MANBA: variants seen among roughly 807,000 people sequenced by gnomAD.
MANBA encodes the protein beta-mannosidase.
Under a neutral mutation model 111.1 loss-of-function variants are expected in MANBA, and 83 were observed. The observed-to-expected ratio is 0.75, with a 90% CI of 0.63 to 0.90. MANBA has a LOEUF of 0.90. Ranked by LOEUF, MANBA falls within the 40% of genes least tolerant of loss-of-function variation. MANBA has a pLI of 0.00. For missense variants in MANBA, 1,036 were observed against 1,069.0 expected, an observed-to-expected ratio of 0.97 and a Z score of 0.43; for synonymous variants, 370 against 378.7, an observed-to-expected ratio of 0.98 and a Z score of 0.27.
intron 1 of MANBA, among the ~76,000 whole-genome samples, chr4:102,758,019 A>C (rs1271017548): frequency 6.6e-6 from 1 of 152,078 alleles, no homozygotes; most frequent in East Asian, 1.9e-4. Flanking sequence ...CTGGAAATGC[A>C]CTTCTCCTTA....
intron 1 of MANBA, among the ~76,000 whole-genome samples, chr4:102,737,632 G>A (rs576963973): frequency 9.2e-5 from 14 of 152,164 alleles, no homozygotes; most frequent in South Asian, 2.1e-4. Flanking sequence ...ACAGGCGCCC[G>A]CCACCACGCC....
intron 12 of MANBA, among the ~76,000 whole-genome samples, chr4:102,654,157 A>T (rs1730458705): frequency 1.3e-5 from 2 of 152,124 alleles, no homozygotes; most frequent in South Asian, 4.1e-4. Flanking sequence ...CGTGGTACAC[A>T]GCAATTATTC....
intron 7 of MANBA, among the ~76,000 whole-genome samples, chr4:102,676,757 A>G (rs1180353573): frequency 6.6e-6 from 1 of 152,156 alleles, no homozygotes; most frequent in Non-Finnish European, 1.5e-5. Flanking sequence ...AGTACTAAAT[A>G]ATTTTTTGAA....
intron 1 of MANBA, among the ~76,000 whole-genome samples, chr4:102,747,109 T>C (rs994808515): frequency 6.6e-6 from 1 of 151,616 alleles, no homozygotes; most frequent in African/African-American, 2.4e-5. Context: ...CCACTTCTGG[T>C]ACCAAAATCT....
intron 7 of MANBA, among the ~76,000 whole-genome samples, chr4:102,680,387 T>C (rs1578896568): frequency 1.3e-5 from 2 of 152,138 alleles, no homozygotes; most frequent in East Asian, 3.9e-4. Flanking sequence ...CAGAGAGAAA[T>C]GTCTGAGCTG....
intron 7 of MANBA, among the ~76,000 whole-genome samples, chr4:102,675,532 C>A (rs1043585268): frequency 6.6e-6 from 1 of 152,178 alleles, no homozygotes; most frequent in Non-Finnish European, 1.5e-5. Flanking sequence ...TAAATTCTTA[C>A]TTTGAACCCC....
At chr4:102,660,678 A>G (rs1578878730) in intron 11 of MANBA, among the ~76,000 whole-genome samples, 2 of 151,236 alleles carry the variant, frequency 1.3e-5, no homozygotes, top group Non-Finnish European at 2.9e-5. Context: ...CTGGTCTCAA[A>G]CTCCTGGCCT....
intron 5 of MANBA, among the ~76,000 whole-genome samples, chr4:102,697,101 A>G (rs1432967389): frequency 6.6e-6 from 1 of 152,202 alleles, no homozygotes; most frequent in Non-Finnish European, 1.5e-5. Context: ...AATGTTTCCT[A>G]GAACAAGGAT....
At chr4:102,708,361 T>C (rs2110266366) in intron 5 of MANBA, among the ~76,000 whole-genome samples, 1 of 152,150 alleles carries the variant, frequency 6.6e-6, no homozygotes, top group South Asian at 2.1e-4. Context: ...CTTTGAAACC[T>C]GCACAAGCAC....
intron 1 of MANBA, chr4:102,727,538 T>A (rs1054442825): frequency 6.2e-7 from 1 of 1,601,528 alleles, no homozygotes; most frequent in African/African-American, 1.3e-5. Flanking sequence ...AGCTGCTGGT[T>A]TAGCTGAATT....
At chr4:102,704,212 C>G (rs556678966) in intron 5 of MANBA, among the ~76,000 whole-genome samples, 1 of 152,130 alleles carries the variant, frequency 6.6e-6, no homozygotes, top group Admixed American at 6.6e-5. Flanking sequence ...ACTCTTTCTC[C>G]GTTGCAATTC....
At chr4:102,721,653 G>A (rs1190729973) in intron 4 of MANBA, among the ~76,000 whole-genome samples, 1 of 152,190 alleles carries the variant, frequency 6.6e-6, no homozygotes, top group East Asian at 1.9e-4. Context: ...ATTATGCTAA[G>A]TGAAATAAGT....
At chr4:102,665,860 A>G (rs1324220163) in intron 10 of MANBA, 1 of 152,220 alleles carries the variant, frequency 6.6e-6, no homozygotes, top group African/African-American at 2.4e-5. Context: ...CCCCCCACTG[A>G]TGCTCTCAAT....
intron 13 of MANBA, among the ~76,000 whole-genome samples, chr4:102,641,400 G>A (rs750725624): frequency 2.0e-5 from 3 of 152,208 alleles, no homozygotes; most frequent in Non-Finnish European, 4.4e-5. Flanking sequence ...TTGAACTAAA[G>A]GGTGATGTGA....
chr4:102,657,361 C>T (rs935378137), intron 12 of MANBA, among the ~76,000 whole-genome samples: 11 of 152,030 alleles, frequency 7.2e-5, no homozygotes, highest in Non-Finnish European at 1.0e-4. Context: ...TATCTGTAAA[C>T]GGTAAAACAG....
At chr4:102,742,960 T>A (rs1723460154) in intron 1 of MANBA, among the ~76,000 whole-genome samples, 1 of 152,142 alleles carries the variant, frequency 6.6e-6, no homozygotes, top group Non-Finnish European at 1.5e-5. Context: ...TGAGTGGAAA[T>A]CCATGTTGCT....
At chr4:102,724,073 T>A (rs764798576) in intron 2 of MANBA, 106 bp from the exon 3 acceptor site, 301 of 698,820 alleles carry the variant, frequency 4.3e-4, no homozygotes, top group Non-Finnish European at 6.1e-4. Flanking sequence ...CCACAAAAAA[T>A]ATATGTTCTT....
In MANBA at chr4:102,690,757, C is replaced by T. The variant is rs761451982; in HGVS notation, c.688G>A (p.Glu230Lys). Residue 230 changes from glutamate to lysine, a missense_variant, in exon 6 of 17, where the codon GAG (glutamate) becomes AAG (lysine). By Grantham distance (56) the Glu-to-Lys change is moderately conservative. Transcript: ENST00000647097. ...GTAGACTCTATTTCCAGATTCCACT[C>T]CTGGGCACTCTTATCTAAAATATAA... ...FSPIYDKSAQ[E>K]WNLEIESTFD... is the part of the protein sequence containing the mutation. The T allele has an allele frequency of 2.0e-6, 3 of 1,532,334 alleles. No individual in the cohort carries two copies. The highest frequency in any genetic ancestry group is 2.3e-5 in the East Asian group (1 of 42,744). 94.9% of individuals were successfully genotyped at this position (1,532,334 alleles called of 1,614,324 possible).
At chr4:102,744,837 T>C (rs1391219674) in intron 1 of MANBA, among the ~76,000 whole-genome samples, 1 of 152,216 alleles carries the variant, frequency 6.6e-6, no homozygotes, top group East Asian at 1.9e-4. Flanking sequence ...GATGTGATAT[T>C]GTTTTTGATT....
Sources: gnomAD v4.1 joint callset for allele counts (sites outside exome capture counted in the v4.1 genomes callset) on GRCh38, gnomAD v4.1.1 for gene constraint, MANE v1.5 for transcripts, NCBI Gene and HGNC (gene_info 2026-07-23, HGNC 2026-07-21) for gene names.